NPRL3: variants seen among roughly 807,000 people sequenced by gnomAD.
NPRL3 encodes the protein NPR3 like, GATOR1 complex subunit, also known as GATOR1 complex protein NPRL3.
NPRL3 carries 23 observed loss-of-function variants against 57.2 expected under a neutral mutation model. That is an observed-to-expected ratio of 0.40 (90% CI 0.29 to 0.57). The LOEUF (loss-of-function observed/expected upper bound fraction) is 0.57, where lower values mean the gene tolerates loss of function less well. Among genes scored for constraint, NPRL3 ranks in the 20% least tolerant of loss-of-function variants. The probability of loss-of-function intolerance (pLI) is 0.42; values close to 1 mark genes in which losing one functional copy is unlikely to be tolerated. For synonymous variants in NPRL3, 333 were observed against 321.1 expected (o/e 1.04, Z -0.39); for missense variants, 691 against 767.1 (o/e 0.90, Z 1.17).
chr16:97,430 T>TTG (rs397854627), intron 9 of NPRL3, among the ~76,000 whole-genome samples: 40 of 141,066 alleles, frequency 2.8e-4, no homozygotes, highest in Non-Finnish European at 5.0e-4. Flanking sequence ...TTTTTTTTTT[T>TTG]GTATTTTTTG....
chr16:137,993 A>G (rs1179833196), intron 2 of NPRL3, among the ~76,000 whole-genome samples, 157 bp downstream of exon 2: 1 of 146,238 alleles, frequency 6.8e-6, no homozygotes, highest in Non-Finnish European at 1.5e-5. Context: ...CATGATTTTA[A>G]TTTTTTTTTT....
rs1236178291 is a variant in NPRL3, at chr16:138,313, CGGAG to C, written c.-50_-47del. 2.2e-6 allele frequency: 2 copies of C among 919,366 alleles called. No individual in the cohort carries two copies. The highest frequency in any genetic ancestry group is 9.3e-5 in the Admixed American group (2 of 21,410). The allele number at this position is 919,366 out of a possible 1,614,324, so 57.0% of individuals were successfully genotyped here. A position where few individuals can be genotyped will look rare whatever the true frequency, so the allele number is the denominator to read the frequency against. ...GGGGGCGGAGGGGGCCAGAGGAGGACGGAGCCGGAGGCGGAGGGGGCCTGAGGAG... is the reference window on the plus strand; with the variant it reads ...GGGGGCGGAGGGGGCCAGAGGAGGACCCGGAGGCGGAGGGGGCCTGAGGAG... On this transcript the variant is annotated 5_prime_UTR_variant, in exon 2 of 14. Transcript: ENST00000611875.
intron 4 of NPRL3, among the ~76,000 whole-genome samples, chr16:118,228 T>C (rs1239005162): frequency 6.6e-6 from 1 of 152,058 alleles, no homozygotes; most frequent in Non-Finnish European, 1.5e-5. Context: ...GTTACTGTGT[T>C]CGACCCTTCA....
At chr16:108,905 C>T (rs1291322466) in intron 7 of NPRL3, among the ~76,000 whole-genome samples, 2 of 151,394 alleles carry the variant, frequency 1.3e-5, no homozygotes. Flanking sequence ...CTCCTGACCT[C>T]GTGCTCCACC....
chr16:119,813 A>G (rs1900209270), intron 3 of NPRL3, among the ~76,000 whole-genome samples: 2 of 152,208 alleles, frequency 1.3e-5, no homozygotes, highest in Non-Finnish European at 2.9e-5. Flanking sequence ...CCAAACACTT[A>G]AACTTTCCGG....
chr16:131,736 T>G (rs180939747), intron 2 of NPRL3, among the ~76,000 whole-genome samples: 1 of 152,028 alleles, frequency 6.6e-6, no homozygotes, highest in East Asian at 1.9e-4. Flanking sequence ...TGGGGTGCTG[T>G]AGCAATTTCT....
chr16:110,544 G>A lies in NPRL3; in HGVS notation c.610C>T (p.Leu204Phe), dbSNP rs1490755071. 3 of 1,611,990 alleles carry A rather than the reference G, an allele frequency of 1.9e-6. No homozygotes were observed. In the African/African-American group the frequency reaches 4.0e-5, roughly 22 times the overall value. ...TCTTACCTGTCATAAGCTTCCTTGA[G>A]GTCCCTGGCCAGCTTGCACTTGGGC... ...ILPKCKLARDLKEAYDSLCTS... is the reference protein window; with the variant it reads ...ILPKCKLARDFKEAYDSLCTS... The change falls in exon 7 of 14, where the codon CTC becomes TTC. Residue 204 changes from leucine to phenylalanine, a missense_variant. Leu to Phe is a conservative substitution (Grantham distance 22). Coordinates refer to ENST00000611875, the MANE Select transcript of NPRL3 (RefSeq NM_001077350.3).
At chr16:130,642 C>T in intron 2 of NPRL3, 51 bp from the exon 3 acceptor site, 1 of 1,523,336 alleles carries the variant, frequency 6.6e-7, no homozygotes, top group Non-Finnish European at 8.9e-7. Flanking sequence ...GGTCCTTCCA[C>T]ACACAGGAGG....
Position 85,618 on chromosome 16 carries a change from T to G in NPRL3, c.*1087A>C. 1 of 1,603,880 alleles carries G rather than the reference T, an allele frequency of 6.2e-7. No individual in the cohort carries two copies. Among genetic ancestry groups the G allele is most frequent in the Non-Finnish European group, 8.5e-7 (1 of 1,172,626 alleles). On this transcript the variant is annotated 3_prime_UTR_variant, in exon 14 of 14. Transcript: ENST00000611875. ...AGGATGAAGCTGTATGGCTGGAGCG[T>G]GGTCCCCTGGAGCCCAGTGAGCCGG...
chr16:127,711 G>A (rs1212529041), intron 3 of NPRL3, among the ~76,000 whole-genome samples: 1 of 149,764 alleles, frequency 6.7e-6, no homozygotes, highest in East Asian at 2.0e-4. Flanking sequence ...CTGGAGTGCA[G>A]TGGCACAATC....
chr16:128,320 G>T (rs1174877072), intron 3 of NPRL3, among the ~76,000 whole-genome samples: 1 of 152,190 alleles, frequency 6.6e-6, no homozygotes, highest in African/African-American at 2.4e-5. Context: ...GGCCACACTG[G>T]CCAGTGTTTG....
intron 5 of NPRL3, among the ~76,000 whole-genome samples, chr16:113,426 C>T (rs17145223): frequency 0.027 from 4,128 of 152,320 alleles, 182 homozygotes; most frequent in African/African-American, 0.094. Flanking sequence ...TGCCCAAGAG[C>T]TCCTTCTGCA....
At chr16:88,061 G>A (rs1465801993) in intron 13 of NPRL3, among the ~76,000 whole-genome samples, 2 of 152,064 alleles carry the variant, frequency 1.3e-5, no homozygotes, top group African/African-American at 4.8e-5. Context: ...CTGACAACCC[G>A]ACCACTCCCG....
intron 3 of NPRL3, among the ~76,000 whole-genome samples, chr16:129,751 C>A (rs1900705003): frequency 6.6e-6 from 1 of 152,210 alleles, no homozygotes; most frequent in Non-Finnish European, 1.5e-5. Flanking sequence ...CACTACCTCA[C>A]TGCACAGCAA....
intron 9 of NPRL3, among the ~76,000 whole-genome samples, chr16:94,036 G>A (rs1234837461): frequency 1.3e-5 from 2 of 151,422 alleles, no homozygotes; most frequent in Non-Finnish European, 2.9e-5. Flanking sequence ...GGATGTCCTG[G>A]CAGGGGCACA....
chr16:110,309 C>CA (rs11316789), intron 7 of NPRL3, among the ~76,000 whole-genome samples: 85 of 151,014 alleles, frequency 5.6e-4, no homozygotes, highest in Middle Eastern at 3.4e-3. Context: ...AAAAAATAAA[C>CA]AAAAAAAAAC....
intron 5 of NPRL3, 88 bp from the exon 6 acceptor site, chr16:112,863 G>A: frequency 7.9e-7 from 1 of 1,269,488 alleles, no homozygotes; most frequent in Non-Finnish European, 1.0e-6. Flanking sequence ...CAGGTACACA[G>A]CAAAAACTCA....
intron 7 of NPRL3, among the ~76,000 whole-genome samples, chr16:107,374 G>A (rs1002249609): frequency 0.039 from 6 of 154 alleles, no homozygotes; most frequent in African/African-American, 0.25. Flanking sequence ...AGCCGGGCAC[G>A]GTGCTCACGC....
chr16:94,356 C>T (rs923641677), intron 9 of NPRL3, among the ~76,000 whole-genome samples: 3 of 152,240 alleles, frequency 2.0e-5, no homozygotes, highest in African/African-American at 7.2e-5. Flanking sequence ...CAGGACACCA[C>T]TCCACCCTCT....
Sources: gnomAD v4.1 joint callset for allele counts (sites outside exome capture counted in the v4.1 genomes callset) on GRCh38, gnomAD v4.1.1 for gene constraint, MANE v1.5 for transcripts, NCBI Gene and HGNC (gene_info 2026-07-23, HGNC 2026-07-21) for gene names.